Variants in KCNK13 observed in about 807,000 individuals in gnomAD.
KCNK13 encodes the protein potassium channel subfamily K member 13.
In KCNK13, 12 loss-of-function variants were observed where a neutral mutation model predicts 23.4. That is an observed-to-expected ratio of 0.51 (90% CI 0.33 to 0.83). The LOEUF is 0.83. Ranked by LOEUF, KCNK13 falls within the 40% of genes least tolerant of loss-of-function variation. The pLI is 0.02. For synonymous variants in KCNK13, 231 were observed against 229.5 expected, an observed-to-expected ratio of 1.01 and a Z score of -0.06; for missense variants, 463 against 556.3, an observed-to-expected ratio of 0.83 and a Z score of 1.69.
intron 1 of KCNK13, among the ~76,000 whole-genome samples, chr14:90,079,995 G>A (rs749139468): frequency 6.6e-6 from 1 of 152,188 alleles, no homozygotes; most frequent in Non-Finnish European, 1.5e-5. Context: ...AGAGAAGGAG[G>A]GAGGGTTGTC....
At chr14:90,181,411 C>T (rs1890483819) in intron 1 of KCNK13, among the ~76,000 whole-genome samples, 1 of 152,132 alleles carries the variant, frequency 6.6e-6, no homozygotes, top group African/African-American at 2.4e-5. Context: ...TTGTGTCCTC[C>T]CAGGGAGGAA....
intron 1 of KCNK13, among the ~76,000 whole-genome samples, chr14:90,148,930 A>G (rs927402601): frequency 7.2e-5 from 11 of 152,348 alleles, no homozygotes; most frequent in Admixed American, 7.2e-4. Flanking sequence ...TAAAAGTGCT[A>G]TTGTGATGGT....
intron 1 of KCNK13, among the ~76,000 whole-genome samples, chr14:90,160,579 A>G (rs1458397546): frequency 6.6e-6 from 1 of 152,188 alleles, no homozygotes; most frequent in Admixed American, 6.5e-5. Context: ...TGTAATACTC[A>G]TGCCTGTAAT....
At chr14:90,114,835 T>C (rs1889657047) in intron 1 of KCNK13, among the ~76,000 whole-genome samples, 4 of 152,180 alleles carry the variant, frequency 2.6e-5, no homozygotes, top group Admixed American at 2.6e-4. Flanking sequence ...AGGCATTTCA[T>C]TGCTAGTTGA....
intron 1 of KCNK13, among the ~76,000 whole-genome samples, chr14:90,167,293 G>A (rs1890314663): frequency 1.3e-5 from 2 of 152,160 alleles, no homozygotes. Flanking sequence ...CAGGAGCGAA[G>A]GAAGAACTTC....
intron 1 of KCNK13, among the ~76,000 whole-genome samples, chr14:90,143,199 T>C (rs1326972107): frequency 2.1e-5 from 2 of 95,688 alleles, no homozygotes; most frequent in Non-Finnish European, 4.4e-5. Flanking sequence ...TCTTTCTTTC[T>C]TTTCTTTCTT....
intron 1 of KCNK13, among the ~76,000 whole-genome samples, chr14:90,080,320 G>T (rs1207487895): frequency 2.6e-5 from 4 of 152,122 alleles, no homozygotes; most frequent in Non-Finnish European, 5.9e-5. Flanking sequence ...GCCGGGCCTG[G>T]TGGCGGGTGC....
intron 1 of KCNK13, among the ~76,000 whole-genome samples, chr14:90,169,862 G>A (rs7149330): frequency 0.29 from 44,150 of 152,054 alleles, 8,980 homozygotes; most frequent in African/African-American, 0.58. Context: ...TCTGCCGGGG[G>A]CAGAGATGAT....
Position 90,184,402 on chromosome 14 carries a change from C to T in KCNK13, c.626C>T (p.Ser209Phe). 2 of 1,614,272 alleles carry T rather than the reference C, an allele frequency of 1.2e-6. No homozygotes were observed. The highest frequency in any genetic ancestry group is 2.2e-5 in the South Asian group (2 of 91,092). Reference sequence around the variant, plus strand: ...CTATGCACAGCCTCCATCCTCATCTCTTGCTGCGCCTCAGCCATGTACACC... The same window carrying T: ...CTATGCACAGCCTCCATCCTCATCTTTTGCTGCGCCTCAGCCATGTACACC... ...LILCTASILI[S>F]CCASAMYTPI... Residue 209 changes from serine (S) to phenylalanine (F), a missense_variant, in exon 2 of 2, where the codon TCT becomes TTT. This residue lies in a region of KCNK13 where 144 missense variants were observed against 224.0 expected (regional missense o/e 0.64). Coordinates refer to ENST00000282146, the MANE Select transcript of KCNK13 (RefSeq NM_022054.4). The surrounding 1 kb of genome is among the most constrained non-coding windows in gnomAD (Gnocchi z 5.6).
At chr14:90,181,225 T>C (rs1890482187) in intron 1 of KCNK13, among the ~76,000 whole-genome samples, 3 of 152,208 alleles carry the variant, frequency 2.0e-5, no homozygotes, top group Non-Finnish European at 4.4e-5. Context: ...GTCTGTGTCA[T>C]CTTCTTTGGC....
intron 1 of KCNK13, among the ~76,000 whole-genome samples, chr14:90,081,075 A>G (rs1889203737): frequency 6.6e-6 from 1 of 152,256 alleles, no homozygotes; most frequent in African/African-American, 2.4e-5. Context: ...CAAGCCTTTC[A>G]GGCACTGCGA....
At chr14:90,093,149 A>C (rs1052173161) in intron 1 of KCNK13, among the ~76,000 whole-genome samples, 2 of 152,114 alleles carry the variant, frequency 1.3e-5, no homozygotes, top group African/African-American at 4.8e-5. Context: ...CACTCCATGC[A>C]AGATGAGGAA....
intron 1 of KCNK13, among the ~76,000 whole-genome samples, chr14:90,096,191 T>C (rs1385457642): frequency 6.6e-6 from 1 of 152,188 alleles, no homozygotes; most frequent in East Asian, 1.9e-4. Flanking sequence ...ATTAAACCAT[T>C]GGCCATTGGT....
intron 1 of KCNK13, among the ~76,000 whole-genome samples, chr14:90,128,252 A>C (rs746823552): frequency 6.6e-6 from 1 of 152,158 alleles, no homozygotes; most frequent in Non-Finnish European, 1.5e-5. Context: ...TCCGGGAAAG[A>C]TTTACAATTT....
chr14:90,153,053 A>G (rs1413303934), intron 1 of KCNK13, among the ~76,000 whole-genome samples: 3 of 152,116 alleles, frequency 2.0e-5, no homozygotes, highest in Admixed American at 2.0e-4. Context: ...CCTATGCACT[A>G]GAAGTTCCCT....
chr14:90,113,812 A>G (rs1174045164), intron 1 of KCNK13, among the ~76,000 whole-genome samples: 1 of 152,140 alleles, frequency 6.6e-6, no homozygotes, highest in African/African-American at 2.4e-5. Flanking sequence ...ATGTGCCTGT[A>G]GTCCCAGCTA....
rs543871514 is a variant in KCNK13 at position 90,092,157 on chromosome 14, C to T, written c.334+29618C>T. 2.0e-4 allele frequency among the ~76,000 whole-genome samples: 31 copies of T among 152,272 alleles called. 1 individual carries two copies. The highest frequency in any genetic ancestry group is 7.2e-4 in the African/African-American group (30 of 41,562). On this transcript the variant is annotated intron_variant, in intron 1 of 1. Transcript: ENST00000282146. ...CAGGATGGTCTCCATCTCCTGACCTCGTGATCTGCCCGCCTTGGCCTCCCA... is the reference window on the plus strand; with the variant it reads ...CAGGATGGTCTCCATCTCCTGACCTTGTGATCTGCCCGCCTTGGCCTCCCA...
chr14:90,126,783 T>C (rs1288249340), intron 1 of KCNK13, among the ~76,000 whole-genome samples: 1 of 152,156 alleles, frequency 6.6e-6, no homozygotes, highest in East Asian at 1.9e-4. Flanking sequence ...CCTCAAGTGA[T>C]CTGCCCACCT....
chr14:90,175,931 G>A (rs1890417450), intron 1 of KCNK13, among the ~76,000 whole-genome samples: 1 of 152,136 alleles, frequency 6.6e-6, no homozygotes, highest in Non-Finnish European at 1.5e-5. Flanking sequence ...TGGTGTCTAG[G>A]GGATCCAGAG....
Sources: allele counts gnomAD v4.1 joint callset (sites outside exome capture counted in the v4.1 genomes callset), GRCh38; gene constraint gnomAD v4.1.1; regional missense constraint gnomAD v4.1.1; non-coding constraint Gnocchi (gnomAD v3.1); transcripts MANE v1.5; gene names NCBI Gene and HGNC (gene_info 2026-07-23, HGNC 2026-07-21).